DENND1B: variants seen among roughly 807,000 people sequenced by gnomAD.
DENND1B encodes the protein DENN domain-containing protein 1B.
DENND1B carries 59 observed loss-of-function variants against 90.1 expected under a neutral mutation model. The observed-to-expected ratio is 0.65, with a 90% CI of 0.53 to 0.81. The LOEUF is 0.81. Among genes scored for constraint, DENND1B ranks in the 40% least tolerant of loss-of-function variants. DENND1B has a pLI of 0.00. For synonymous variants in DENND1B, 337 were observed against 324.6 expected, an observed-to-expected ratio of 1.04 and a Z score of -0.41; for missense variants, 862 against 912.6, an observed-to-expected ratio of 0.94 and a Z score of 0.71.
intron 12 of DENND1B, among the ~76,000 whole-genome samples, chr1:197,608,923 A>G (rs1211673899): frequency 6.6e-6 from 1 of 150,670 alleles, no homozygotes; most frequent in Non-Finnish European, 1.5e-5. Context: ...ATTCCCTAAT[A>G]TGAAAATAAT....
chr1:197,690,551 G>T, intron 3 of DENND1B: 1 of 223,330 alleles, frequency 4.5e-6, no homozygotes, highest in South Asian at 7.7e-5. Context: ...CAGTTGCTGT[G>T]GGTGTCTTCA....
At chr1:197,529,203 GATATAT>G (rs71131771) in intron 20 of DENND1B, among the ~76,000 whole-genome samples, 9,116 of 116,788 alleles carry the variant, frequency 0.078, 360 homozygotes, top group Middle Eastern at 0.16. Flanking sequence ...AGTTAAGAGT[GATATAT>G]ATATATATAT....
chr1:197,569,391 C>G (rs1672956784), intron 15 of DENND1B, among the ~76,000 whole-genome samples: 1 of 152,056 alleles, frequency 6.6e-6, no homozygotes, highest in Non-Finnish European at 1.5e-5. Context: ...AAAAATAGAA[C>G]TATTATATGA....
At chr1:197,545,835 G>T (rs1670772591) in intron 18 of DENND1B, 87 bp downstream of exon 18, 4 of 1,155,590 alleles carry the variant, frequency 3.5e-6, no homozygotes, top group Non-Finnish European at 3.7e-6. Flanking sequence ...AAGAAAAATA[G>T]AAAATATTCA....
At chr1:197,621,825 A>T (rs1033085787) in intron 10 of DENND1B, among the ~76,000 whole-genome samples, 2 of 151,488 alleles carry the variant, frequency 1.3e-5, no homozygotes, top group African/African-American at 4.8e-5. Context: ...ATTTTCAGAT[A>T]AAAATGAATT....
At chr1:197,750,980 A>G (rs979766540) in intron 2 of DENND1B, among the ~76,000 whole-genome samples, 2 of 152,188 alleles carry the variant, frequency 1.3e-5, no homozygotes, top group African/African-American at 4.8e-5. Context: ...GAACCAAGAA[A>G]CCCACAATTA....
chr1:197,768,254 T>TTCCTCCTCC (rs993045743), intron 2 of DENND1B, among the ~76,000 whole-genome samples: 8 of 148,206 alleles, frequency 5.4e-5, no homozygotes, highest in African/African-American at 2.0e-4. Flanking sequence ...CCTCCTCCCT[T>TTCCTCCTCC]TCCTCCTCCT....
intron 13 of DENND1B, among the ~76,000 whole-genome samples, chr1:197,597,488 T>G (rs1336427164): frequency 2.0e-5 from 3 of 151,814 alleles, no homozygotes; most frequent in African/African-American, 7.2e-5. Flanking sequence ...AATGTGTATT[T>G]TTAAAAATAA....
intron 7 of DENND1B, among the ~76,000 whole-genome samples, chr1:197,651,645 C>CTTTTTTTTTTTTT (rs34012616): frequency 1.6e-5 from 1 of 61,524 alleles, no homozygotes; most frequent in Non-Finnish European, 2.9e-5. Flanking sequence ...ATCAATGCTT[C>CTTTTTTTTTTTTT]TTTTTTTTTT....
chr1:197,528,894 AG>A (rs1669347778), intron 20 of DENND1B, among the ~76,000 whole-genome samples: 1 of 152,040 alleles, frequency 6.6e-6, no homozygotes, highest in African/African-American at 2.4e-5. Context: ...TGCATTCAAA[AG>A]ATAACTCTTT....
chr1:197,694,940 T>G (rs1399180508), intron 3 of DENND1B, among the ~76,000 whole-genome samples: 1 of 151,304 alleles, frequency 6.6e-6, no homozygotes, highest in Non-Finnish European at 1.5e-5. Flanking sequence ...CGCAAAAATA[T>G]TCTTTTCAAT....
At chr1:197,687,702 TA>T (rs750671415) in intron 3 of DENND1B, among the ~76,000 whole-genome samples, 8 of 152,078 alleles carry the variant, frequency 5.3e-5, no homozygotes, top group Non-Finnish European at 1.2e-4. Flanking sequence ...AACTCACAGT[TA>T]ACATTAGACT....
intron 3 of DENND1B, among the ~76,000 whole-genome samples, chr1:197,693,601 G>A (rs1658131474): frequency 6.6e-6 from 1 of 151,454 alleles, no homozygotes; most frequent in East Asian, 1.9e-4. Flanking sequence ...CATTCATCTG[G>A]ACTCTTTTAG....
chr1:197,621,152 C>G lies in DENND1B; in HGVS notation c.673-3393G>C, dbSNP rs1678121432. 2.0e-5 allele frequency among the ~76,000 whole-genome samples: 3 copies of G among 151,264 alleles called. No homozygotes were observed. The South Asian group carries it at 6.2e-4, about 31-fold the overall frequency. On this transcript the variant is annotated intron_variant, in intron 10 of 22. Coordinates refer to ENST00000620048, the MANE Select transcript of DENND1B (RefSeq NM_001195215.2). ...CAGGAGATGAGGTCAGATAGAGAAG[C>G]AGAATCAATGATGGAGAGCCTTCTA...
chr1:197,719,494 G>C (rs1192755256), intron 2 of DENND1B, among the ~76,000 whole-genome samples: 1 of 152,044 alleles, frequency 6.6e-6, no homozygotes, highest in African/African-American at 2.4e-5. Context: ...TATGAGTTTT[G>C]TGAAAAAAAA....
chr1:197,565,987 T>C (rs1672624748), intron 15 of DENND1B, among the ~76,000 whole-genome samples: 1 of 151,822 alleles, frequency 6.6e-6, no homozygotes, highest in African/African-American at 2.4e-5. Flanking sequence ...TGATTTATAG[T>C]CCTTTGGGTA....
intron 16 of DENND1B, among the ~76,000 whole-genome samples, chr1:197,551,105 ACACACACC>A (rs1044774653): frequency 1.1e-3 from 104 of 98,864 alleles, no homozygotes; most frequent in African/African-American, 3.5e-3. Context: ...ACACACACAC[ACACACACC>A]CCCTAGATAG....
At chr1:197,628,275 A>G (rs770380656) in intron 10 of DENND1B, among the ~76,000 whole-genome samples, 1 of 152,196 alleles carries the variant, frequency 6.6e-6, no homozygotes, top group Admixed American at 6.5e-5. Flanking sequence ...ACTTCAAACT[A>G]TACTACAAGG....
intron 10 of DENND1B, among the ~76,000 whole-genome samples, chr1:197,638,181 T>A (rs1038480059): frequency 5.3e-5 from 8 of 152,170 alleles, no homozygotes; most frequent in Non-Finnish European, 8.8e-5. Flanking sequence ...GGGGCAACTA[T>A]AACAAAGGAA....
Sources: gnomAD v4.1 joint callset for allele counts (sites outside exome capture counted in the v4.1 genomes callset) on GRCh38, gnomAD v4.1.1 for gene constraint, MANE v1.5 for transcripts, NCBI Gene and HGNC (gene_info 2026-07-23, HGNC 2026-07-21) for gene names.